Variants in BRWD1 observed in about 807,000 individuals in gnomAD.
The protein encoded by BRWD1 is bromodomain and WD repeat domain containing 1.
BRWD1 carries 82 observed loss-of-function variants against 251.2 expected under a neutral mutation model. The ratio of observed to expected loss-of-function variants is 0.33; its 90% CI spans 0.27 to 0.39. The LOEUF is 0.39. Among genes scored for constraint, BRWD1 ranks in the 10% least tolerant of loss-of-function variants. The pLI is 1.00. For missense variants in BRWD1, 2,233 were observed against 2,711.6 expected, an observed-to-expected ratio of 0.82 and a Z score of 3.92; for synonymous variants, 918 against 902.8, an observed-to-expected ratio of 1.02 and a Z score of -0.30.
intron 9 of BRWD1, among the ~76,000 whole-genome samples, chr21:39,279,741 A>G (rs531165795): frequency 8.5e-5 from 13 of 152,222 alleles, no homozygotes; most frequent in African/African-American, 1.9e-4. Flanking sequence ...TAAATTATCA[A>G]TTCAGTTCCT....
intron 29 of BRWD1, among the ~76,000 whole-genome samples, chr21:39,220,116 G>A: frequency 6.6e-6 from 1 of 151,450 alleles, no homozygotes; most frequent in Middle Eastern, 3.2e-3. Flanking sequence ...GGCAAGGGGT[G>A]TGGGTGGGTG....
At chr21:39,307,411 G>A (rs2036321881) in intron 4 of BRWD1, among the ~76,000 whole-genome samples, 1 of 151,928 alleles carries the variant, frequency 6.6e-6, no homozygotes, top group Non-Finnish European at 1.5e-5. Flanking sequence ...ATCAGAATAT[G>A]TACTTGTATG....
chr21:39,313,690 C>T, upstream of BRWD1: 2 of 391,620 alleles, frequency 5.1e-6, no homozygotes, highest in South Asian at 5.0e-5. Flanking sequence ...AAAAGTAGTC[C>T]CTCCGCGGGG....
At chr21:39,249,918 GT>G in intron 20 of BRWD1, among the ~76,000 whole-genome samples, 1 of 7,744 alleles carries the variant, frequency 1.3e-4, no homozygotes, top group Non-Finnish European at 2.9e-4. Context: ...GAAGGGGGGT[GT>G]GTGTGTGTGT....
rs1437925253 is a variant in BRWD1, at chr21:39,194,696, G to A, written c.*1563C>T. The stretch of plus-strand genomic sequence containing the variant: ...AGAACATTCTCTAACATTAATACCA[G>A]TCTGATGCTTCGCCTTGTCTGCCAC... On this transcript the variant is annotated 3_prime_UTR_variant, in exon 41 of 41. Transcript: ENST00000342449. The A allele has an allele frequency of 1.3e-6, 2 of 1,534,936 alleles. No homozygotes were observed. Among genetic ancestry groups the A allele is most frequent in the African/African-American group, 1.4e-5 (1 of 73,068 alleles).
Position 39,193,993 on chromosome 21 carries a change from A to G in BRWD1, c.*2266T>C. ...TTATTTCATAACTTGAGAAGCTACCATTGTCGGCTATGCTTTTAAAGACAT... is the reference window on the plus strand; with the variant it reads ...TTATTTCATAACTTGAGAAGCTACCGTTGTCGGCTATGCTTTTAAAGACAT... On this transcript the variant is annotated 3_prime_UTR_variant, in exon 41 of 41. Transcript: ENST00000342449. The G allele has an allele frequency of 1.0e-6, 1 of 985,546 alleles. No homozygotes were observed. Among genetic ancestry groups the G allele is most frequent in the African/African-American group, 1.7e-5 (1 of 57,324 alleles). The allele number at this position is 985,546 out of a possible 1,614,324, so 61.1% of individuals were successfully genotyped here.
intron 8 of BRWD1, 22 bp downstream of exon 8, chr21:39,293,789 G>A (rs755442678): frequency 4.4e-6 from 7 of 1,578,680 alleles, no homozygotes; most frequent in Admixed American, 1.7e-5. Flanking sequence ...ATAGGAATGT[G>A]CCCACTAAGC....
At chr21:39,241,005 A>G (rs2033971626) in intron 21 of BRWD1, among the ~76,000 whole-genome samples, 2 of 151,408 alleles carry the variant, frequency 1.3e-5, no homozygotes, top group South Asian at 4.2e-4. Context: ...GGTTCAAACG[A>G]TTCTCCTGTC....
chr21:39,191,350 G>A lies in BRWD1; in HGVS notation c.*4909C>T. 2 of 985,254 alleles carry A rather than the reference G, an allele frequency of 2.0e-6. No homozygotes were observed. Among genetic ancestry groups the A allele is most frequent in the South Asian group, 9.4e-5 (2 of 21,288 alleles). 61.0% of individuals were successfully genotyped at this position (985,254 alleles called of 1,614,324 possible). A position where few individuals can be genotyped will look rare whatever the true frequency, so the allele number is the denominator to read the frequency against. ...GGAAAAGAGGTTGGGGAACCACTTG[G>A]GACAAGTCTGGAATTAACCAGCTAG... is the stretch of plus-strand genomic sequence containing the variant. On this transcript the variant is annotated 3_prime_UTR_variant, in exon 41 of 41. Coordinates refer to ENST00000342449, the MANE Select transcript of BRWD1 (RefSeq NM_033656.4).
chr21:39,215,437 A>G lies in BRWD1; in HGVS notation c.3660-75T>C, dbSNP rs550418292. ...ACCAAGTGAAAAAATGCAGCATGTG[A>G]ATTAAACAACTGTGAAATAATAATT... On this transcript the variant is annotated intron_variant, in intron 31 of 40. Coordinates refer to ENST00000342449, the MANE Select transcript of BRWD1 (RefSeq NM_033656.4). 424 of 1,278,598 alleles carry G rather than the reference A, an allele frequency of 3.3e-4. 6 individuals carry two copies. The South Asian group carries it at 5.2e-3, about 16-fold the overall frequency. The allele number at this position is 1,278,598 out of a possible 1,614,324, so 79.2% of individuals were successfully genotyped here.
chr21:39,242,129 G>A (rs1359828525), intron 21 of BRWD1, among the ~76,000 whole-genome samples: 5 of 152,208 alleles, frequency 3.3e-5, no homozygotes, highest in African/African-American at 1.2e-4. Context: ...GGAAAGCATG[G>A]TGAAAGCCAA....
rs780311016 is a variant in BRWD1, at chr21:39,255,797, G to C, written c.2103C>G (p.Ser701=). ...TACGACGCAGACCAATATTTGGAGG[G>C]GACTGAATGTCTAAGCTCAGCCTTC... ...GFRRLSLDIQ[S]PPNIGLRRSG... The change falls in exon 19 of 41, where the codon TCC becomes TCG. Residue 701 remains serine, a synonymous_variant. Coordinates refer to ENST00000342449, the MANE Select transcript of BRWD1 (RefSeq NM_033656.4). The C allele has an allele frequency of 3.1e-6, 5 of 1,613,948 alleles. No homozygotes were observed. In the African/African-American group the frequency reaches 6.7e-5, roughly 22 times the overall value.
At chr21:39,301,238 C>T (rs954368487) in intron 4 of BRWD1, among the ~76,000 whole-genome samples, 1 of 151,920 alleles carries the variant, frequency 6.6e-6, no homozygotes, top group Non-Finnish European at 1.5e-5. Flanking sequence ...CTGACATGCC[C>T]GCTAATAGTG....
chr21:39,285,528 C>A (rs987517156), intron 8 of BRWD1, among the ~76,000 whole-genome samples: 2 of 152,044 alleles, frequency 1.3e-5, no homozygotes, highest in African/African-American at 4.8e-5. Flanking sequence ...GATATAATTA[C>A]CCTCATTTGA....
chr21:39,309,954 G>A (rs1165036926), intron 4 of BRWD1, among the ~76,000 whole-genome samples: 3 of 152,002 alleles, frequency 2.0e-5, no homozygotes, highest in Non-Finnish European at 4.4e-5. Context: ...CAAACTTAGA[G>A]ATGAAATGTA....
At chr21:39,286,016 CTTT>C (rs57151774) in intron 8 of BRWD1, among the ~76,000 whole-genome samples, 1 of 104,804 alleles carries the variant, frequency 9.5e-6, no homozygotes, top group East Asian at 2.5e-4. Context: ...ACCATATGAA[CTTT>C]TTTTTTTTTT....
chr21:39,263,559 CAATA>C (rs1437911031), intron 17 of BRWD1, among the ~76,000 whole-genome samples: 4 of 152,040 alleles, frequency 2.6e-5, no homozygotes, highest in Non-Finnish European at 5.9e-5. Context: ...TAAGCCTCAT[CAATA>C]AATAAAGGGG....
In BRWD1 at chr21:39,212,798, G is replaced by GT. The variant is rs1489792418; in HGVS notation, c.3859-92dup. The GT allele has an allele frequency of 4.5e-6, 4 of 894,648 alleles. No homozygotes were observed. In the South Asian group the frequency reaches 5.0e-5, roughly 11 times the overall value. The allele number at this position is 894,648 out of a possible 1,614,324, so 55.4% of individuals were successfully genotyped here. A position where few individuals can be genotyped will look rare whatever the true frequency, so the allele number is the denominator to read the frequency against. ...ATAAATAACATATCAAAGACATTTG[G>GT]TATTACCAGAGTTATAACATGTTAT... On this transcript the variant is annotated intron_variant, in intron 33 of 40. Transcript: ENST00000342449.
At chr21:39,308,959 A>G (rs2036377493) in intron 4 of BRWD1, among the ~76,000 whole-genome samples, 1 of 152,098 alleles carries the variant, frequency 6.6e-6, no homozygotes, top group South Asian at 2.1e-4. Flanking sequence ...GCAGGTCACA[A>G]GGTCAAGAGA....
Sources: gnomAD v4.1 joint callset for allele counts (sites outside exome capture counted in the v4.1 genomes callset) on GRCh38, gnomAD v4.1.1 for gene constraint, MANE v1.5 for transcripts, NCBI Gene and HGNC (gene_info 2026-07-23, HGNC 2026-07-21) for gene names.